The following COL5A2 variants were observed in gnomAD, a reference collection of about 807,000 sequenced individuals.
The protein encoded by COL5A2 is collagen alpha-2(V) chain.
Under a neutral mutation model 208.2 loss-of-function variants are expected in COL5A2, and 23 were observed. The ratio of observed to expected loss-of-function variants is 0.11; its 90% CI spans 0.08 to 0.16. The LOEUF is 0.16. Ranked by LOEUF, COL5A2 falls within the 10% of genes least tolerant of loss-of-function variation. The probability of loss-of-function intolerance (pLI) is 1.00; values close to 1 mark genes in which losing one functional copy is unlikely to be tolerated. For synonymous variants in COL5A2, 625 were observed against 628.5 expected (o/e 0.99, Z 0.08); for missense variants, 1,590 against 1,956.4 (o/e 0.81, Z 3.53).
At chr2:189,044,117 C>A (rs1406420659) in intron 47 of COL5A2, among the ~76,000 whole-genome samples, 1 of 152,110 alleles carries the variant, frequency 6.6e-6, no homozygotes, top group African/African-American at 2.4e-5. Flanking sequence ...GAACCGGATT[C>A]TGTTGCTTTT....
the COL5A2 span, among the ~76,000 whole-genome samples, chr2:189,425,593 G>A: frequency 1.3e-5 from 2 of 152,136 alleles, no homozygotes; most frequent in African/African-American, 4.8e-5. Flanking sequence ...AATAAAACAG[G>A]TGCAGAAAGA....
chr2:189,098,807 T>C (rs1686974551), intron 4 of COL5A2, 48 bp from the exon 5 acceptor site: 2 of 1,387,056 alleles, frequency 1.4e-6, no homozygotes, highest in East Asian at 2.3e-5. Context: ...TCTGCAGATA[T>C]TCAGAGAGGT....
At chr2:189,381,913 C>A in the COL5A2 span, among the ~76,000 whole-genome samples, 1 of 151,664 alleles carries the variant, frequency 6.6e-6, no homozygotes. Flanking sequence ...TGAAAAATAG[C>A]CCTTTATTAT....
At chr2:189,296,510 G>A in the COL5A2 span, among the ~76,000 whole-genome samples, 2 of 152,122 alleles carry the variant, frequency 1.3e-5, no homozygotes. Context: ...ATTCTAGATT[G>A]TAACCAGCTA....
chr2:189,388,024 A>G, the COL5A2 span, among the ~76,000 whole-genome samples: 1 of 152,132 alleles, frequency 6.6e-6, no homozygotes, highest in African/African-American at 2.4e-5. Context: ...AGCTCAAGCA[A>G]TCTGCCCACC....
chr2:189,167,664 A>ATTTTTTTTTT, intron 1 of COL5A2, among the ~76,000 whole-genome samples: 1 of 140,140 alleles, frequency 7.1e-6, no homozygotes, highest in Non-Finnish European at 1.5e-5. Context: ...GAAAGAAGTG[A>ATTTTTTTTTT]TTTTTTTTTT....
chr2:189,110,229 A>C lies in COL5A2; in HGVS notation c.318T>G (p.Asn106Lys). ...CSQTPGGGNTNFGRGRKGQKG... is the reference protein window; with the variant it reads ...CSQTPGGGNTKFGRGRKGQKG... Reference sequence around the variant, plus strand: ...GTTGGCCCTAAACATTCTTACCAAAATTGGTATTGCCACCTCCAGGTGTTT... The same window carrying C: ...GTTGGCCCTAAACATTCTTACCAAACTTGGTATTGCCACCTCCAGGTGTTT... Residue 106 changes from asparagine (N) to lysine (K), a missense_variant, in exon 2 of 54, where the codon AAT becomes AAG. Coordinates refer to ENST00000374866, the MANE Select transcript of COL5A2 (RefSeq NM_000393.5). 1 of 1,611,814 alleles carries C rather than the reference A, an allele frequency of 6.2e-7. No homozygotes were observed.
At chr2:189,197,363 A>G (rs1286998275) in intron 1 of COL5A2, among the ~76,000 whole-genome samples, 2 of 152,202 alleles carry the variant, frequency 1.3e-5, no homozygotes, top group Non-Finnish European at 2.9e-5. Flanking sequence ...TGATGGGTTG[A>G]TAGGTGTGCC....
At chr2:189,315,362 G>A in the COL5A2 span, among the ~76,000 whole-genome samples, 1 of 152,118 alleles carries the variant, frequency 6.6e-6, no homozygotes, top group Non-Finnish European at 1.5e-5. Context: ...GATGCAGAAA[G>A]GCTTTTGGTA....
chr2:189,315,350 T>C, the COL5A2 span, among the ~76,000 whole-genome samples: 4 of 152,206 alleles, frequency 2.6e-5, no homozygotes, highest in African/African-American at 4.8e-5. Flanking sequence ...ATTATCTCAA[T>C]AGATGCAGAA....
chr2:189,167,942 C>CTTT, intron 1 of COL5A2, among the ~76,000 whole-genome samples: 1 of 88,976 alleles, frequency 1.1e-5, no homozygotes, highest in Non-Finnish European at 2.8e-5. Context: ...GTACAAACTC[C>CTTT]TATTTTTTTT....
chr2:189,057,595 T>C (rs902431077), intron 33 of COL5A2, among the ~76,000 whole-genome samples, 168 bp from the exon 34 acceptor site: 2 of 152,224 alleles, frequency 1.3e-5, no homozygotes, highest in Non-Finnish European at 2.9e-5. Flanking sequence ...TATTTTGAAA[T>C]TAAAAAAACC....
chr2:189,274,754 A>T, the COL5A2 span, among the ~76,000 whole-genome samples: 1 of 152,174 alleles, frequency 6.6e-6, no homozygotes, highest in South Asian at 2.1e-4. Context: ...GACAAAAAAA[A>T]ACAAATATTG....
chr2:189,177,970 T>C (rs1395182429), intron 1 of COL5A2, among the ~76,000 whole-genome samples: 1 of 152,142 alleles, frequency 6.6e-6, no homozygotes, highest in Non-Finnish European at 1.5e-5. Context: ...AAGTTGGTTG[T>C]TTTGGTGGGG....
At position 189,085,140 on chromosome 2, in the gene COL5A2, A is replaced by G. The variant is rs1263642267; in HGVS notation, c.798+20T>C. On this transcript the variant is annotated intron_variant, in intron 11 of 53. Coordinates refer to ENST00000374866, the MANE Select transcript of COL5A2 (RefSeq NM_000393.5). ...TCGCCTCTTCAAAACCTGAATGGAA[A>G]ATGAGGAAAGGTAGCTTACATCTTC... 1 of 1,608,186 alleles carries G rather than the reference A, an allele frequency of 6.2e-7. No individual in the cohort carries two copies. Among genetic ancestry groups the G allele is most frequent in the Non-Finnish European group, 8.5e-7 (1 of 1,175,994 alleles).
At chr2:189,391,968 TAA>T in the COL5A2 span, among the ~76,000 whole-genome samples, 1 of 152,174 alleles carries the variant, frequency 6.6e-6, no homozygotes, top group Admixed American at 6.5e-5. Flanking sequence ...CTAGTCTATA[TAA>T]GTTATTAATG....
Position 189,065,016 on chromosome 2 carries a change from T to A in COL5A2, c.1605A>T (p.Leu535Phe). Residue 535 changes from leucine to phenylalanine, a missense_variant, in exon 24 of 54, where the codon TTA becomes TTT. Transcript: ENST00000374866. ...AGGGCAACCTCACCTTTGGCCCAGG[T>A]AAACCATCAGAGCCTGGAAAACCAC... The part of the protein sequence containing the change: ...GNRGFPGSDG[L>F]PGPKGAQGER... 1.9e-6 allele frequency: 3 copies of A among 1,613,820 alleles called. No individual in the cohort carries two copies. Among genetic ancestry groups the A allele is most frequent in the Non-Finnish European group, 2.5e-6 (3 of 1,179,906 alleles).
intron 1 of COL5A2, among the ~76,000 whole-genome samples, chr2:189,114,679 C>T (rs891445666): frequency 1.3e-4 from 20 of 149,020 alleles, no homozygotes; most frequent in Non-Finnish European, 1.6e-4. Flanking sequence ...ATATTGGGGC[C>T]GGTCAGGGAG....
At chr2:189,262,317 T>G in the COL5A2 span, among the ~76,000 whole-genome samples, 1 of 152,136 alleles carries the variant, frequency 6.6e-6, no homozygotes, top group Non-Finnish European at 1.5e-5. Context: ...TTTAGTTTTC[T>G]TGGTCCTTCC....
Sources: allele counts gnomAD v4.1 joint callset (sites outside exome capture counted in the v4.1 genomes callset), GRCh38; gene constraint gnomAD v4.1.1; transcripts MANE v1.5; gene names NCBI Gene and HGNC (gene_info 2026-07-23, HGNC 2026-07-21).